Variants in LDB2 observed in about 807,000 individuals in gnomAD.
The protein encoded by LDB2 is LIM domain binding 2.
In LDB2, 12 loss-of-function variants were observed where a neutral mutation model predicts 44.3. The observed-to-expected ratio is 0.27, with a 90% CI of 0.17 to 0.44. The LOEUF (loss-of-function observed/expected upper bound fraction) is 0.44, where lower values mean the gene tolerates loss of function less well. LDB2 is among the 20% of genes least tolerant of loss of function. LDB2 has a pLI of 1.00. For missense variants in LDB2, 344 were observed against 473.5 expected, an observed-to-expected ratio of 0.73 and a Z score of 2.54; for synonymous variants, 164 against 174.8, an observed-to-expected ratio of 0.94 and a Z score of 0.49.
At chr4:16,634,143 C>A (rs769399087) in intron 2 of LDB2, among the ~76,000 whole-genome samples, 2 of 152,122 alleles carry the variant, frequency 1.3e-5, no homozygotes, top group African/African-American at 2.4e-5. Context: ...AATGTAAGAT[C>A]TAAGACCATG....
At position 16,849,228 on chromosome 4, in the gene LDB2, A is replaced by G. The variant is rs79464382; in HGVS notation, c.132+49126T>C. ...TGCTCACAGGGCTGGCTTCTTCTCAAAAATGTCTTTGTTTAAATATCACTT... is the reference window on the plus strand; with the variant it reads ...TGCTCACAGGGCTGGCTTCTTCTCAGAAATGTCTTTGTTTAAATATCACTT... On this transcript the variant is annotated intron_variant, in intron 1 of 7. Coordinates refer to ENST00000304523, the MANE Select transcript of LDB2 (RefSeq NM_001290.5). 4.2e-4 allele frequency among the ~76,000 whole-genome samples: 64 copies of G among 152,220 alleles called. 1 individual carries two copies. In the East Asian group the frequency reaches 0.012, roughly 29 times the overall value.
chr4:16,695,414 C>T (rs1751886111), intron 2 of LDB2, among the ~76,000 whole-genome samples: 1 of 150,364 alleles, frequency 6.7e-6, no homozygotes, highest in Non-Finnish European at 1.5e-5. Flanking sequence ...GAGCTGAGAT[C>T]ACACCGCTGC....
rs115557094 is a variant in LDB2, at chr4:16,529,074, G to A, written c.616-16970C>T. ...TACCTCTAATCATTACCAGTACTTGGTGTTTACAGGGTACCAGGCACTGGG... is the reference window on the plus strand; with the variant it reads ...TACCTCTAATCATTACCAGTACTTGATGTTTACAGGGTACCAGGCACTGGG... On this transcript the variant is annotated intron_variant, in intron 5 of 7. Transcript: ENST00000304523. 9.7e-3 allele frequency among the ~76,000 whole-genome samples: 1,476 copies of A among 152,242 alleles called. 28 individuals are homozygous for A. Among genetic ancestry groups the A allele is most frequent in the African/African-American group, 0.034 (1,402 of 41,544 alleles).
intron 1 of LDB2, among the ~76,000 whole-genome samples, chr4:16,820,179 A>G (rs1781676733): frequency 6.6e-6 from 1 of 152,254 alleles, no homozygotes; most frequent in Non-Finnish European, 1.5e-5. Context: ...AAATGATGTG[A>G]CCAAATATCG....
rs183848347 is a variant in LDB2 at position 16,562,449 on chromosome 4, A to G, written c.615+23473T>C. The stretch of plus-strand genomic sequence containing the variant: ...TCAAAAGAAGACATTTATCCAGCCA[A>G]CAGACACATGAAAAAATGCTCACCA... On this transcript the variant is annotated intron_variant, in intron 5 of 7. Coordinates refer to ENST00000304523, the MANE Select transcript of LDB2 (RefSeq NM_001290.5). Among the ~76,000 whole-genome samples, 523 of 152,360 alleles carry G rather than the reference A, an allele frequency of 3.4e-3. 6 individuals are homozygous for G. Among genetic ancestry groups the G allele is most frequent in the African/African-American group, 0.012 (498 of 41,588 alleles).
chr4:16,574,027 T>G (rs1010949431), intron 5 of LDB2, among the ~76,000 whole-genome samples: 1 of 152,210 alleles, frequency 6.6e-6, no homozygotes, highest in Non-Finnish European at 1.5e-5. Context: ...TATGTCATTC[T>G]GATGGAGGTC....
At chr4:16,534,468 G>A (rs149803297) in intron 5 of LDB2, among the ~76,000 whole-genome samples, 280 of 152,252 alleles carry the variant, frequency 1.8e-3, no homozygotes, top group Middle Eastern at 3.4e-3. Flanking sequence ...TAAGGGAAGC[G>A]CGTGTTTTAT....
intron 2 of LDB2, among the ~76,000 whole-genome samples, chr4:16,699,398 A>G (rs1752918789): frequency 1.3e-5 from 2 of 152,232 alleles, no homozygotes. Flanking sequence ...GATATTGTCA[A>G]GTAATAAGTA....
At chr4:16,764,265 A>C (rs1247430410) in intron 1 of LDB2, among the ~76,000 whole-genome samples, 1 of 152,036 alleles carries the variant, frequency 6.6e-6, no homozygotes, top group East Asian at 1.9e-4. Flanking sequence ...TCCCACCTTC[A>C]CATGGTTTTC....
At chr4:16,763,609 G>GAAGCTT (rs1228235665) in intron 1 of LDB2, among the ~76,000 whole-genome samples, 5 of 152,274 alleles carry the variant, frequency 3.3e-5, no homozygotes, top group South Asian at 4.2e-4. Flanking sequence ...GTATATGAAG[G>GAAGCTT]AAGCTTATTA....
intron 2 of LDB2, among the ~76,000 whole-genome samples, chr4:16,700,064 T>A (rs374696128): frequency 4.9e-4 from 75 of 152,328 alleles, no homozygotes; most frequent in African/African-American, 1.7e-3. Flanking sequence ...TACACTGAAC[T>A]GTAGTTCAGC....
At chr4:16,816,340 C>T (rs986207985) in intron 1 of LDB2, among the ~76,000 whole-genome samples, 5 of 151,864 alleles carry the variant, frequency 3.3e-5, no homozygotes, top group Admixed American at 6.6e-5. Flanking sequence ...AGTTCAAAAA[C>T]GCCTTTGTCA....
At chr4:16,797,301 G>A (rs1465016584) in intron 1 of LDB2, among the ~76,000 whole-genome samples, 1 of 152,102 alleles carries the variant, frequency 6.6e-6, no homozygotes, top group African/African-American at 2.4e-5. Flanking sequence ...AGGGTCAACT[G>A]TAATGTATTA....
At position 16,537,422 on chromosome 4, in the gene LDB2, C is replaced by T. The variant is rs183250568; in HGVS notation, c.616-25318G>A. ...AGGAAAAAACAAAGTATGTGTGAAA[C>T]ATATTTAAAACAAAAGCACTTGTAA... On this transcript the variant is annotated intron_variant, in intron 5 of 7. Coordinates refer to ENST00000304523, the MANE Select transcript of LDB2 (RefSeq NM_001290.5). 2.0e-5 allele frequency among the ~76,000 whole-genome samples: 3 copies of T among 152,314 alleles called. No individual in the cohort carries two copies. The East Asian group carries it at 5.8e-4, about 29-fold the overall frequency.
rs533742943 is a variant in LDB2 at position 16,579,136 on chromosome 4, T to TA, written c.615+6785dup. 2.2e-3 allele frequency among the ~76,000 whole-genome samples: 334 copies of TA among 151,836 alleles called. 2 individuals carry two copies. The highest frequency in any genetic ancestry group is 7.6e-3 in the African/African-American group (314 of 41,202). On this transcript the variant is annotated intron_variant, in intron 5 of 7. Coordinates refer to ENST00000304523, the MANE Select transcript of LDB2 (RefSeq NM_001290.5). ...ATCTAGCACAACAGGGTGACTACAG[T>TA]AAAAAAATAATTTAATTGTTCTTTT...
At chr4:16,724,903 C>T (rs1759092977) in intron 2 of LDB2, among the ~76,000 whole-genome samples, 1 of 152,122 alleles carries the variant, frequency 6.6e-6, no homozygotes, top group Admixed American at 6.6e-5. Context: ...AACTGATAGG[C>T]ATTAGAATTT....
chr4:16,643,325 T>A (rs1190211455), intron 2 of LDB2, among the ~76,000 whole-genome samples: 1 of 152,298 alleles, frequency 6.6e-6, no homozygotes, highest in South Asian at 2.1e-4. Context: ...CAAAAAGCAA[T>A]ATAACTGCTC....
At chr4:16,774,252 T>C (rs1488685156) in intron 1 of LDB2, among the ~76,000 whole-genome samples, 1 of 150,658 alleles carries the variant, frequency 6.6e-6, no homozygotes, top group Non-Finnish European at 1.5e-5. Context: ...TGTTCATTCC[T>C]CAAGGCTTCC....
intron 2 of LDB2, among the ~76,000 whole-genome samples, chr4:16,609,410 G>T (rs184816817): frequency 6.6e-6 from 1 of 151,918 alleles, no homozygotes; most frequent in South Asian, 2.1e-4. Context: ...GAGCTCCTTG[G>T]GGGAGGGGCA....
Sources: allele counts gnomAD v4.1 joint callset (sites outside exome capture counted in the v4.1 genomes callset), GRCh38; gene constraint gnomAD v4.1.1; transcripts MANE v1.5; gene names NCBI Gene and HGNC (gene_info 2026-07-23, HGNC 2026-07-21).